The following CALCB variants were observed in gnomAD, a reference collection of about 807,000 sequenced individuals.
CALCB encodes calcitonin gene-related peptide 2.
A neutral mutation model predicts 10.7 loss-of-function variants in CALCB; 8 were observed. That is an observed-to-expected ratio of 0.75 (90% CI 0.44 to 1.34). The LOEUF (loss-of-function observed/expected upper bound fraction) is 1.34. Ranked by LOEUF, CALCB falls within the 40% of genes most tolerant of loss-of-function variation. The pLI is 0.01. For synonymous variants in CALCB, 76 were observed against 66.9 expected (o/e 1.14, Z -0.66); for missense variants, 176 against 162.5 (o/e 1.08, Z -0.45).
intron 1 of CALCB, 107 bp from the exon 2 acceptor site, chr11:15,074,603 C>T: frequency 1.3e-6 from 1 of 788,848 alleles, no homozygotes; most frequent in Non-Finnish European, 2.1e-6. Flanking sequence ...AACAGAGGCT[C>T]AGGCAGCTGA....
intron 3 of CALCB, among the ~76,000 whole-genome samples, chr11:15,075,510 G>A (rs1379483044): frequency 6.6e-6 from 1 of 152,192 alleles, no homozygotes; most frequent in Non-Finnish European, 1.5e-5. Flanking sequence ...GTGTGGAATC[G>A]TTCACTGTGG....
At position 15,077,274 on chromosome 11, in the gene CALCB, C is replaced by T; in HGVS notation, c.225-12C>T. On this transcript the variant is annotated splice_polypyrimidine_tract_variant and intron_variant, in intron 3 of 4. Transcript: ENST00000324229. ...CACAGGTCTTCTCTTCTTTCTCTATCTTGCAAATCAGCTCCGCTGCCCAGA... is the reference window on the plus strand; with the variant it reads ...CACAGGTCTTCTCTTCTTTCTCTATTTTGCAAATCAGCTCCGCTGCCCAGA... 8.7e-6 allele frequency: 14 copies of T among 1,612,612 alleles called. No homozygotes were observed. Among genetic ancestry groups the T allele is most frequent in the Non-Finnish European group, 1.2e-5 (14 of 1,179,470 alleles).
intron 4 of CALCB, among the ~76,000 whole-genome samples, chr11:15,077,778 C>T (rs1850409353): frequency 6.6e-6 from 1 of 152,152 alleles, no homozygotes; most frequent in African/African-American, 2.4e-5. Context: ...AGGGCTCAAC[C>T]CTTGACTACA....
chr11:15,077,556 C>T, intron 4 of CALCB, 86 bp downstream of exon 4: 2 of 1,329,826 alleles, frequency 1.5e-6, no homozygotes, highest in Non-Finnish European at 2.1e-6. Flanking sequence ...CTGGTAGGTT[C>T]TTTAGGTTCC....
chr11:15,075,532 G>A (rs964507501), intron 3 of CALCB, among the ~76,000 whole-genome samples: 1 of 152,188 alleles, frequency 6.6e-6, no homozygotes, highest in Non-Finnish European at 1.5e-5. Context: ...AATTGCTCTT[G>A]CAGTACTGGG....
At chr11:15,073,922 G>A (rs1175893746) in intron 1 of CALCB, among the ~76,000 whole-genome samples, 1 of 152,264 alleles carries the variant, frequency 6.6e-6, no homozygotes, top group Non-Finnish European at 1.5e-5. Context: ...AGCGGAGGTA[G>A]GCGGGTCTGC....
intron 3 of CALCB, among the ~76,000 whole-genome samples, chr11:15,076,408 T>C (rs1223605721): frequency 6.6e-6 from 1 of 152,150 alleles, no homozygotes; most frequent in Non-Finnish European, 1.5e-5. Context: ...TTGCTCCACT[T>C]TATGAACCTG....
chr11:15,078,579 C>G lies in CALCB; in HGVS notation c.*522C>G, dbSNP rs1015002443. 6.6e-6 allele frequency: 1 copy of G among 151,898 alleles called. No individual in the cohort carries two copies. Among genetic ancestry groups the G allele is most frequent in the East Asian group, 1.9e-4 (1 of 5,190 alleles). 9.4% of individuals were successfully genotyped at this position (151,898 alleles called of 1,614,324 possible). ...TTGGTGATGCATTACAACTTGTTTT[C>G]TTATGTAATAATAATGATGATGATG... On this transcript the variant is annotated 3_prime_UTR_variant, in exon 5 of 5. Coordinates refer to ENST00000324229, the MANE Select transcript of CALCB (RefSeq NM_000728.4).
chr11:15,074,884 C>A, intron 2 of CALCB, 80 bp downstream of exon 2: 1 of 1,416,192 alleles, frequency 7.1e-7, no homozygotes, highest in Non-Finnish European at 9.8e-7. Flanking sequence ...TGAAGTCACG[C>A]GTGGCTCCTG....
intron 3 of CALCB, among the ~76,000 whole-genome samples, chr11:15,076,698 C>T (rs990597798): frequency 2.0e-5 from 3 of 152,204 alleles, no homozygotes; most frequent in Middle Eastern, 3.2e-3. Flanking sequence ...AACTGAGCTG[C>T]GGTGCTCATT....
At chr11:15,077,182 T>G in intron 3 of CALCB, 104 bp from the exon 4 acceptor site, 1 of 1,240,124 alleles carries the variant, frequency 8.1e-7, no homozygotes, top group Non-Finnish European at 1.1e-6. Context: ...GAGAAACACT[T>G]ACTGTTAGGT....
At chr11:15,076,391 C>G (rs1565230145) in intron 3 of CALCB, among the ~76,000 whole-genome samples, 1 of 152,190 alleles carries the variant, frequency 6.6e-6, no homozygotes, top group Non-Finnish European at 1.5e-5. Context: ...TCTCCTGATT[C>G]CCCTTCTTGC....
chr11:15,076,775 G>T (rs578188027), intron 3 of CALCB, among the ~76,000 whole-genome samples: 1 of 152,350 alleles, frequency 6.6e-6, no homozygotes, highest in Admixed American at 6.5e-5. Context: ...TAGCTTCAGG[G>T]TAGCTGGGTA....
rs1850415684 is a variant in CALCB at position 15,078,543 on chromosome 11, G to A, written c.*486G>A. The stretch of plus-strand genomic sequence containing the variant: ...TTAAAAGCATATTTTGGGTACATTT[G>A]TTTCAAAACCTTGGTGATGCATTAC... On this transcript the variant is annotated 3_prime_UTR_variant, in exon 5 of 5. Transcript: ENST00000324229. The A allele has an allele frequency of 6.6e-6, 1 of 152,054 alleles. No homozygotes were observed. The highest frequency in any genetic ancestry group is 2.1e-4 in the South Asian group (1 of 4,820). 9.4% of individuals were successfully genotyped at this position (152,054 alleles called of 1,614,324 possible).
chr11:15,077,192 T>C, intron 3 of CALCB, 94 bp from the exon 4 acceptor site: 2 of 1,311,322 alleles, frequency 1.5e-6, no homozygotes, highest in Non-Finnish European at 2.1e-6. Context: ...TACTGTTAGG[T>C]GGTGTGTCGA....
intron 3 of CALCB, among the ~76,000 whole-genome samples, chr11:15,076,921 A>C (rs1033719890): frequency 6.6e-6 from 1 of 151,794 alleles, no homozygotes; most frequent in African/African-American, 2.4e-5. Flanking sequence ...AGGGAATTTC[A>C]TTTTCCTGTG....
chr11:15,077,578 T>A lies in CALCB; in HGVS notation c.*25+108T>A, dbSNP rs112270051. 3.1e-3 allele frequency: 3,487 copies of A among 1,125,098 alleles called. 78 individuals carry two copies. The African/African-American group carries it at 0.047, about 15-fold the overall frequency. 69.7% of individuals were successfully genotyped at this position (1,125,098 alleles called of 1,614,324 possible). ...GTTCTTTAGGTTCCTTCTGTCCAGT[T>A]ACATTGTTCCTCCTGAGGCAGTGAG... On this transcript the variant is annotated intron_variant, in intron 4 of 4. Coordinates refer to ENST00000324229, the MANE Select transcript of CALCB (RefSeq NM_000728.4).
At position 15,078,430 on chromosome 11, in the gene CALCB, T is replaced by C. The variant is rs1335208244; in HGVS notation, c.*373T>C. Reference sequence around the variant, plus strand: ...GGTCTCCGAGGACACATGGTAATGGTGATGCTGTGCCTTGTTATCTAAGAA... The same window carrying C: ...GGTCTCCGAGGACACATGGTAATGGCGATGCTGTGCCTTGTTATCTAAGAA... On this transcript the variant is annotated 3_prime_UTR_variant, in exon 5 of 5. Coordinates refer to ENST00000324229, the MANE Select transcript of CALCB (RefSeq NM_000728.4). 6.6e-6 allele frequency: 1 copy of C among 152,192 alleles called. No individual in the cohort carries two copies. Among genetic ancestry groups the C allele is most frequent in the Non-Finnish European group, 1.5e-5 (1 of 68,040 alleles). 9.4% of individuals were successfully genotyped at this position (152,192 alleles called of 1,614,324 possible). A position where few individuals can be genotyped will look rare whatever the true frequency, so the allele number is the denominator to read the frequency against.
intron 3 of CALCB, among the ~76,000 whole-genome samples, chr11:15,076,003 C>G (rs1850390477): frequency 6.6e-6 from 1 of 152,140 alleles, no homozygotes; most frequent in Non-Finnish European, 1.5e-5. Context: ...ACTGCCCTGG[C>G]CCACTGACCC....
Sources: gnomAD v4.1 joint callset for allele counts (sites outside exome capture counted in the v4.1 genomes callset) on GRCh38, gnomAD v4.1.1 for gene constraint, MANE v1.5 for transcripts, NCBI Gene and HGNC (gene_info 2026-07-23, HGNC 2026-07-21) for gene names.